Variants in DSCAM observed in about 807,000 individuals in gnomAD.
The protein encoded by DSCAM is cell adhesion molecule DSCAM.
Under a neutral mutation model 217.7 loss-of-function variants are expected in DSCAM, and 47 were observed. That is an observed-to-expected ratio of 0.22 (90% CI 0.17 to 0.28). The LOEUF (loss-of-function observed/expected upper bound fraction) is 0.28, where lower values mean the gene tolerates loss of function less well. Ranked by LOEUF, DSCAM falls within the 10% of genes least tolerant of loss-of-function variation. DSCAM has a pLI of 1.00. For missense variants in DSCAM, 2,080 were observed against 2,618.3 expected (o/e 0.79, Z 4.49); for synonymous variants, 1,056 against 1,015.3 (o/e 1.04, Z -0.76).
At chr21:40,835,691 ATC>A (rs2092050201) in intron 1 of DSCAM, among the ~76,000 whole-genome samples, 1 of 152,206 alleles carries the variant, frequency 6.6e-6, no homozygotes, top group African/African-American at 2.4e-5. Context: ...CTAAAATAAG[ATC>A]TCAGGACACA....
chr21:40,315,105 A>G (rs561379414), intron 8 of DSCAM, among the ~76,000 whole-genome samples: 109 of 152,276 alleles, frequency 7.2e-4, no homozygotes, highest in African/African-American at 2.5e-3. Context: ...TAATCTAGCT[A>G]TTTAATAAGA....
chr21:40,278,736 A>G (rs13048951), intron 10 of DSCAM, among the ~76,000 whole-genome samples: 46,066 of 151,562 alleles, frequency 0.3, 7,620 homozygotes, highest in South Asian at 0.37. Context: ...GGAGGAAGAG[A>G]AGGAGGAGGA....
Position 40,296,134 on chromosome 21 carries a change from C to A in DSCAM, c.2103G>T (p.Gly701=), listed in dbSNP as rs1193893549. 1.2e-6 allele frequency: 2 copies of A among 1,613,984 alleles called. No homozygotes were observed. Among genetic ancestry groups the A allele is most frequent in the Non-Finnish European group, 1.7e-6 (2 of 1,180,010 alleles). The change falls in exon 10 of 33, where the codon GGG becomes GGT. Residue 701 remains glycine, a synonymous_variant. Coordinates refer to ENST00000400454, the MANE Select transcript of DSCAM (RefSeq NM_001389.5). ...TGAGGATGACTGCTTTGCCATAAAT[C>A]CCGTCCTGGTCCCGTGGCTGAACCA... is the stretch of plus-strand genomic sequence containing the variant. ...KFVVQPRDQD[G]IYGKAVILNC...
intron 1 of DSCAM, among the ~76,000 whole-genome samples, chr21:40,784,645 CT>C (rs1306269478): frequency 6.6e-6 from 1 of 152,142 alleles, no homozygotes; most frequent in East Asian, 1.9e-4. Context: ...GAGATGGAGC[CT>C]TTGGGAGGTG....
intron 11 of DSCAM, among the ~76,000 whole-genome samples, chr21:40,244,943 C>G (rs952070523): frequency 1.4e-5 from 2 of 144,722 alleles, no homozygotes; most frequent in African/African-American, 5.0e-5. Flanking sequence ...CTGCCAAGGG[C>G]TTGACTTCCT....
intron 3 of DSCAM, among the ~76,000 whole-genome samples, chr21:40,583,284 A>G (rs2076919185): frequency 6.6e-6 from 1 of 152,230 alleles, no homozygotes; most frequent in East Asian, 1.9e-4. Context: ...TGGGTTGAGG[A>G]CAGATTATAT....
At chr21:40,124,404 C>T in intron 19 of DSCAM, 76 bp from the exon 20 acceptor site, 1 of 1,571,222 alleles carries the variant, frequency 6.4e-7, no homozygotes, top group South Asian at 1.1e-5. Flanking sequence ...CAACATGACC[C>T]CACTCCGCAC....
chr21:40,119,374 G>C (rs1384146863), intron 20 of DSCAM, among the ~76,000 whole-genome samples: 1 of 152,176 alleles, frequency 6.6e-6, no homozygotes, highest in East Asian at 1.9e-4. Flanking sequence ...GGAAAAGAGG[G>C]AGACACAAGT....
At chr21:40,766,110 T>C (rs1193041490) in intron 1 of DSCAM, among the ~76,000 whole-genome samples, 3 of 152,152 alleles carry the variant, frequency 2.0e-5, no homozygotes, top group East Asian at 3.9e-4. Flanking sequence ...TGCGGCCGTT[T>C]CCCTCCTCTC....
At chr21:40,106,859 C>CT (rs376983552) in intron 20 of DSCAM, among the ~76,000 whole-genome samples, 2 of 150,634 alleles carry the variant, frequency 1.3e-5, no homozygotes, top group African/African-American at 2.4e-5. Flanking sequence ...AATCTTGTCA[C>CT]TTTTTTTCTT....
chr21:40,182,578 TGTGGACAGGAGGGGCCAGCAGAGAAACC>T (rs1568986318), intron 14 of DSCAM, among the ~76,000 whole-genome samples: 1 of 93,392 alleles, frequency 1.1e-5, no homozygotes, highest in East Asian at 3.4e-4. Context: ...CCAGAGAAAC[TGTGGACAGGAGGGGCCAGCAGAGAAACC>T]GTGGACAGAA....
intron 3 of DSCAM, among the ~76,000 whole-genome samples, chr21:40,390,603 G>A (rs1057104516): frequency 5.3e-5 from 8 of 152,084 alleles, no homozygotes; most frequent in African/African-American, 1.2e-4. Context: ...TGGCAGGTCC[G>A]TACCTACTCC....
chr21:40,355,669 G>A (rs566961295), intron 4 of DSCAM, among the ~76,000 whole-genome samples: 2 of 152,250 alleles, frequency 1.3e-5, no homozygotes, highest in South Asian at 4.1e-4. Context: ...AAACGTTATA[G>A]ACTCCTGCTA....
chr21:40,138,996 G>GTGTGTGGTGTA (rs368235094), intron 18 of DSCAM, among the ~76,000 whole-genome samples: 43 of 146,090 alleles, frequency 2.9e-4, no homozygotes, highest in African/African-American at 1.1e-3. Context: ...TGGGGTTATG[G>GTGTGTGGTGTA]TGTGTGGTGT....
intron 20 of DSCAM, among the ~76,000 whole-genome samples, chr21:40,097,873 G>A (rs1247697767): frequency 3.4e-5 from 5 of 148,108 alleles, no homozygotes; most frequent in East Asian, 2.0e-4. Flanking sequence ...CCCAGGAGGC[G>A]GAGCTTGCAG....
intron 3 of DSCAM, among the ~76,000 whole-genome samples, chr21:40,473,463 C>T (rs1296595498): frequency 6.6e-6 from 1 of 152,210 alleles, no homozygotes; most frequent in African/African-American, 2.4e-5. Flanking sequence ...ACATGATAGA[C>T]TGCGGATGCC....
chr21:40,699,260 T>C (rs960864012), intron 2 of DSCAM, among the ~76,000 whole-genome samples: 1 of 152,214 alleles, frequency 6.6e-6, no homozygotes, highest in East Asian at 1.9e-4. Flanking sequence ...ACAGGTCATA[T>C]GTGCTCTGCC....
chr21:40,279,667 C>T (rs1368350425), intron 10 of DSCAM, among the ~76,000 whole-genome samples: 1 of 152,226 alleles, frequency 6.6e-6, no homozygotes, highest in Non-Finnish European at 1.5e-5. Flanking sequence ...TATGAAGACA[C>T]ATGCACACAT....
intron 3 of DSCAM, among the ~76,000 whole-genome samples, chr21:40,508,226 T>C (rs2837666): frequency 0.087 from 13,256 of 152,290 alleles, 678 homozygotes; most frequent in Middle Eastern, 0.16. Flanking sequence ...GAGTCACTTC[T>C]ATTTGCGAAA....
Sources: allele counts gnomAD v4.1 joint callset (sites outside exome capture counted in the v4.1 genomes callset), GRCh38; gene constraint gnomAD v4.1.1; transcripts MANE v1.5; gene names NCBI Gene and HGNC (gene_info 2026-07-23, HGNC 2026-07-21).